NPC1L1: variants seen among roughly 807,000 people sequenced by gnomAD.
NPC1L1 encodes the protein NPC1-like intracellular cholesterol transporter 1.
In NPC1L1, 98 loss-of-function variants were observed where a neutral mutation model predicts 117.0. The ratio of observed to expected loss-of-function variants is 0.84; its 90% CI spans 0.71 to 0.99. The LOEUF (loss-of-function observed/expected upper bound fraction) is 0.99. NPC1L1 is among the 50% of genes least tolerant of loss of function. NPC1L1 has a pLI of 0.00. For missense variants in NPC1L1, 1,540 were observed against 1,710.0 expected (o/e 0.90, Z 1.75); for synonymous variants, 729 against 727.6 (o/e 1.00, Z -0.03).
chr7:44,539,318 A>G lies in NPC1L1; in HGVS notation c.1079T>C (p.Val360Ala), dbSNP rs760837609. 9.9e-6 allele frequency: 16 copies of G among 1,613,892 alleles called. No homozygotes were observed. The East Asian group carries it at 2.7e-4, about 27-fold the overall frequency. ...CGCTGCCAAGGCCACCACCGGGATGACAGATAGCACCAAGATGGTCAGAGG... is the reference window on the plus strand; with the variant it reads ...CGCTGCCAAGGCCACCACCGGGATGGCAGATAGCACCAAGATGGTCAGAGG... ...SWPLTILVLS[V>A]IPVVALAAGL... The change falls in exon 2 of 19, where the codon GTC (valine) becomes GCC (alanine). Residue 360 changes from valine (V) to alanine (A), a missense_variant. Around this residue, in one of 3 missense-constraint regions of NPC1L1, gnomAD observed 793 missense variants for 820.4 expected, o/e 0.97. Coordinates refer to ENST00000381160, the MANE Select transcript of NPC1L1 (RefSeq NM_001101648.2). This position sits in a 1 kb window ranked among gnomAD's most constrained non-coding sequence, Gnocchi z 4.4.
intron 12 of NPC1L1, 53 bp from the exon 13 acceptor site, chr7:44,521,171 G>T: frequency 6.2e-7 from 1 of 1,612,140 alleles, no homozygotes. Context: ...AGCAGCTCCT[G>T]CTTTGTGCCC....
intron 2 of NPC1L1, among the ~76,000 whole-genome samples, chr7:44,537,160 A>G (rs1259035424): frequency 6.6e-6 from 1 of 152,010 alleles, no homozygotes; most frequent in Non-Finnish European, 1.5e-5. Context: ...ATCCAGCAAG[A>G]TCTCCTGCAG....
At chr7:44,519,801 C>CT in intron 14 of NPC1L1, among the ~76,000 whole-genome samples, 1 of 143,546 alleles carries the variant, frequency 7.0e-6, no homozygotes, top group Non-Finnish European at 1.6e-5. Flanking sequence ...TCTCTTGTTA[C>CT]TTTTTTCTTT....
In NPC1L1 at chr7:44,516,945, A is replaced by G. The variant is rs922483180; in HGVS notation, c.3288-11T>C. The G allele has an allele frequency of 4.3e-6, 7 of 1,609,466 alleles. No individual in the cohort carries two copies. The highest frequency in any genetic ancestry group is 5.9e-6 in the Non-Finnish European group (7 of 1,177,706). Reference sequence around the variant, plus strand: ...AACACATTGGTGATCCTGCCAGAGCACAGAGCATGGTCACAGGCTCAGGCC... The same window carrying G: ...AACACATTGGTGATCCTGCCAGAGCGCAGAGCATGGTCACAGGCTCAGGCC... On this transcript the variant is annotated splice_polypyrimidine_tract_variant and intron_variant, in intron 15 of 18. Coordinates refer to ENST00000381160, the MANE Select transcript of NPC1L1 (RefSeq NM_001101648.2).
At chr7:44,521,256 T>C in intron 12 of NPC1L1, 138 bp from the exon 13 acceptor site, 1 of 1,184,042 alleles carries the variant, frequency 8.4e-7, no homozygotes, top group Non-Finnish European at 1.2e-6. Flanking sequence ...GGATTTGCAT[T>C]TGTCATTTGT....
At chr7:44,519,672 G>A (rs117788436) in intron 14 of NPC1L1, among the ~76,000 whole-genome samples, 7 of 152,046 alleles carry the variant, frequency 4.6e-5, no homozygotes, top group South Asian at 2.1e-4. Context: ...CCCCTACACC[G>A]AGCATGTCTG....
chr7:44,513,430 C>A lies in NPC1L1; in HGVS notation c.*17G>T. 6.2e-7 allele frequency: 1 copy of A among 1,612,662 alleles called. No homozygotes were observed. The highest frequency in any genetic ancestry group is 8.5e-7 in the Non-Finnish European group (1 of 1,178,684). ...TTGGTTCAGGGCCATAGAGCCTAGA[C>A]AGGGCCTCTGGCTGTATCAGAACTG... On this transcript the variant is annotated 3_prime_UTR_variant, in exon 19 of 19. Transcript: ENST00000381160.
chr7:44,516,036 C>T lies in NPC1L1; in HGVS notation c.3633+48G>A, dbSNP rs759847601. 4 of 1,607,792 alleles carry T rather than the reference C, an allele frequency of 2.5e-6. No homozygotes were observed. In the South Asian group the frequency reaches 4.4e-5, roughly 18 times the overall value. Reference sequence around the variant, plus strand: ...GCAGGGCACAGGGCATCAGGCAGGGCACAGGGTGTCGAGTGGGGCACAGGG... The same window carrying T: ...GCAGGGCACAGGGCATCAGGCAGGGTACAGGGTGTCGAGTGGGGCACAGGG... On this transcript the variant is annotated intron_variant, in intron 17 of 18. Transcript: ENST00000381160.
chr7:44,526,883 G>A (rs1374749926), intron 10 of NPC1L1, among the ~76,000 whole-genome samples: 2 of 151,818 alleles, frequency 1.3e-5, no homozygotes, highest in Non-Finnish European at 2.9e-5. Context: ...AATTAGCCTG[G>A]CATGGTGGCA....
chr7:44,521,246 G>A lies in NPC1L1; in HGVS notation c.2954-128C>T. On this transcript the variant is annotated intron_variant, in intron 12 of 18. Transcript: ENST00000381160. ...CAGCCTCAACCAGTCGCTTCTAGGG[G>A]GATTTGCATTTGTCATTTGTGGGAG... 7.1e-6 allele frequency: 9 copies of A among 1,269,572 alleles called. No homozygotes were observed. In the South Asian group the frequency reaches 7.3e-5, roughly 10 times the overall value. The allele number at this position is 1,269,572 out of a possible 1,614,324, so 78.6% of individuals were successfully genotyped here.
rs1414646931 is a variant in NPC1L1, at chr7:44,538,753, G to A, written c.1580+64C>T. 3 of 1,541,318 alleles carry A rather than the reference G, an allele frequency of 1.9e-6. No homozygotes were observed. Among genetic ancestry groups the A allele is most frequent in the African/African-American group, 1.4e-5 (1 of 73,682 alleles). ...GCTGTATGCCCGGCCAGGTTCCCAG[G>A]AGGCCATGGCAGCCCAGCCCCAGCC... On this transcript the variant is annotated intron_variant, in intron 2 of 18. Coordinates refer to ENST00000381160, the MANE Select transcript of NPC1L1 (RefSeq NM_001101648.2). The surrounding 1 kb of genome is among the most constrained non-coding windows in gnomAD (Gnocchi z 5.9).
rs1416588774 is a variant in NPC1L1 at position 44,516,032 on chromosome 7, A to AGGGCACAGGGCGTCGAGTG, written c.3633+51_3633+52insCACTCGACGCCCTGTGCCC. ...TCAGGCAGGGCACAGGGCATCAGGC[A>AGGGCACAGGGCGTCGAGTG]GGGCACAGGGTGTCGAGTGGGGCAC... On this transcript the variant is annotated intron_variant, in intron 17 of 18. Coordinates refer to ENST00000381160, the MANE Select transcript of NPC1L1 (RefSeq NM_001101648.2). 39 of 1,596,156 alleles carry AGGGCACAGGGCGTCGAGTG rather than the reference A, an allele frequency of 2.4e-5. No individual in the cohort carries two copies. In the African/African-American group the frequency reaches 4.6e-4, roughly 19 times the overall value.
chr7:44,514,162 T>C (rs954803037), intron 18 of NPC1L1, among the ~76,000 whole-genome samples: 6 of 152,154 alleles, frequency 3.9e-5, no homozygotes, highest in Non-Finnish European at 5.9e-5. Context: ...TACAGACACA[T>C]ATGTTGATGC....
At position 44,539,226 on chromosome 7, in the gene NPC1L1, G is replaced by A. The variant is rs201147910; in HGVS notation, c.1171C>T (p.Arg391Trp). The change falls in exon 2 of 19, where the codon CGG (arginine) becomes TGG (tryptophan). Residue 391 changes from arginine (R) to tryptophan (W), a missense_variant. Around this residue, in one of 3 missense-constraint regions of NPC1L1, gnomAD observed 793 missense variants for 820.4 expected, o/e 0.97. Coordinates refer to ENST00000381160, the MANE Select transcript of NPC1L1 (RefSeq NM_001101648.2). The surrounding 1 kb of genome is among the most constrained non-coding windows in gnomAD (Gnocchi z 4.4). ...TGGTCATGGAAAGCTTTCTCACTCC[G>A]GGCTTGGCTGTTGGGGGCCGACCAC... ...ELWSAPNSQARSEKAFHDQHF... is the reference protein window; with the variant it reads ...ELWSAPNSQAWSEKAFHDQHF... The A allele has an allele frequency of 2.1e-5, 34 of 1,614,102 alleles. No homozygotes were observed. Among genetic ancestry groups the A allele is most frequent in the Admixed American group, 8.3e-5 (5 of 60,026 alleles).
At position 44,517,172 on chromosome 7, in the gene NPC1L1, C is replaced by A. The variant is rs771620483; in HGVS notation, c.3287+35G>T. ...ACCTCCAGTCTCCAGCAACCATACC[C>A]CACCTCCCTCCAGCCCAGCCACTCA... On this transcript the variant is annotated intron_variant, in intron 15 of 18. Transcript: ENST00000381160. The A allele has an allele frequency of 3.1e-6, 5 of 1,613,670 alleles. No individual in the cohort carries two copies. In the African/African-American group the frequency reaches 4.0e-5, roughly 13 times the overall value.
Position 44,538,711 on chromosome 7 carries a change from C to T in NPC1L1, c.1580+106G>A. On this transcript the variant is annotated intron_variant, in intron 2 of 18. Transcript: ENST00000381160. The surrounding 1 kb of genome is among the most constrained non-coding windows in gnomAD (Gnocchi z 5.9). ...GCCAGAGCCGTAGGAATAGCTACCTCTGGTCCTTCAGGACCAGCTGTATGC... is the reference window on the plus strand; with the variant it reads ...GCCAGAGCCGTAGGAATAGCTACCTTTGGTCCTTCAGGACCAGCTGTATGC... 1 of 1,143,662 alleles carries T rather than the reference C, an allele frequency of 8.7e-7. No individual in the cohort carries two copies. Among genetic ancestry groups the T allele is most frequent in the Non-Finnish European group, 1.3e-6 (1 of 761,466 alleles). The allele number at this position is 1,143,662 out of a possible 1,614,324, so 70.8% of individuals were successfully genotyped here. A position where few individuals can be genotyped will look rare whatever the true frequency, so the allele number is the denominator to read the frequency against.
In NPC1L1 at chr7:44,516,204, G is replaced by A; in HGVS notation, c.3520-7C>T. On this transcript the variant is annotated splice_polypyrimidine_tract_variant and splice_region_variant and intron_variant, in intron 16 of 18. Coordinates refer to ENST00000381160, the MANE Select transcript of NPC1L1 (RefSeq NM_001101648.2). ...CCACAGACATGCCCACCGCCTATGG[G>A]CAGAGAGGGGGCATAAGCCAAGAAA... The A allele has an allele frequency of 1.9e-6, 3 of 1,592,816 alleles. No homozygotes were observed. Among genetic ancestry groups the A allele is most frequent in the Non-Finnish European group, 2.6e-6 (3 of 1,168,878 alleles).
intron 16 of NPC1L1, 29 bp from the exon 17 acceptor site, chr7:44,516,226 G>A: frequency 6.4e-7 from 1 of 1,565,100 alleles, no homozygotes; most frequent in Non-Finnish European, 8.7e-7. Flanking sequence ...CATAAGCCAA[G>A]AAAGGCAGAG....
intron 12 of NPC1L1, among the ~76,000 whole-genome samples, chr7:44,521,482 G>T (rs1308167679): frequency 6.6e-6 from 1 of 152,164 alleles, no homozygotes; most frequent in Admixed American, 6.5e-5. Context: ...GAAAATGGGG[G>T]CACAGTACAC....
Sources: gnomAD v4.1 joint callset for allele counts (sites outside exome capture counted in the v4.1 genomes callset) on GRCh38, gnomAD v4.1.1 for gene constraint, gnomAD v4.1.1 regional missense constraint, Gnocchi (gnomAD v3.1) non-coding constraint, MANE v1.5 for transcripts, NCBI Gene and HGNC (gene_info 2026-07-23, HGNC 2026-07-21) for gene names.